Variants in ATP5F1B observed in about 807,000 individuals in gnomAD.
ATP5F1B encodes ATP synthase F(1) complex subunit beta, mitochondrial.
Under a neutral mutation model 45.9 loss-of-function variants are expected in ATP5F1B, and 17 were observed. The ratio of observed to expected loss-of-function variants is 0.37; its 90% confidence interval spans 0.25 to 0.56. ATP5F1B has a LOEUF of 0.56. ATP5F1B is among the 20% of genes least tolerant of loss of function. The pLI, the probability that ATP5F1B is intolerant of heterozygous loss-of-function variation, is 0.80. For synonymous variants in ATP5F1B, 218 were observed against 256.5 expected (o/e 0.85, Z 1.43); for missense variants, 387 against 673.2 (o/e 0.57, Z 4.70).
chr12:56,639,497 G>C (rs966943262), intron 8 of ATP5F1B, 190 bp from the exon 9 acceptor site: 31 of 609,364 alleles, frequency 5.1e-5, no homozygotes, highest in Non-Finnish European at 8.6e-5. Context: ...CATTCCGCCG[G>C]GCGCAGTGGC....
chr12:56,639,549 G>A, intron 8 of ATP5F1B: 1 of 504,694 alleles, frequency 2.0e-6, no homozygotes, highest in Admixed American at 3.2e-5. Context: ...CACGGTGGGT[G>A]GATCATGAGG....
chr12:56,638,877 CAG>C (rs1458527434), intron 9 of ATP5F1B, among the ~76,000 whole-genome samples: 1 of 152,148 alleles, frequency 6.6e-6, no homozygotes, highest in African/African-American at 2.4e-5. Flanking sequence ...GCCTGGGCGA[CAG>C]AGACTCAGTC....
At chr12:56,638,819 C>T (rs1951491189) in intron 9 of ATP5F1B, among the ~76,000 whole-genome samples, 1 of 152,140 alleles carries the variant, frequency 6.6e-6, no homozygotes, top group Non-Finnish European at 1.5e-5. Context: ...TCACTTGAAC[C>T]CGGCAGGTGG....
chr12:56,641,794 G>A (rs1382471552), intron 7 of ATP5F1B, among the ~76,000 whole-genome samples: 2 of 151,750 alleles, frequency 1.3e-5, no homozygotes, highest in South Asian at 2.1e-4. Flanking sequence ...CTCATGATCC[G>A]CCTGCCTTGG....
At chr12:56,643,307 A>T (rs1209925349) in intron 5 of ATP5F1B, 96 bp downstream of exon 5, 64 of 1,143,192 alleles carry the variant, frequency 5.6e-5, no homozygotes, top group Non-Finnish European at 5.9e-5. Context: ...TCTTAAAAAG[A>T]AAAAAAAATT....
At position 56,640,013 on chromosome 12, in the gene ATP5F1B, G is replaced by T; in HGVS notation, c.1254C>A (p.Tyr418Ter). 6.2e-7 allele frequency: 1 copy of T among 1,613,860 alleles called. No individual in the cohort carries two copies. The highest frequency in any genetic ancestry group is 8.5e-7 in the Non-Finnish European group (1 of 1,179,962). Residue 418 changes from tyrosine to a stop codon, truncating the protein, a stop_gained, in exon 8 of 10, where the codon TAC becomes TAA. Coordinates refer to ENST00000262030, the MANE Select transcript of ATP5F1B (RefSeq NM_001686.4). LOFTEE classifies it high-confidence loss of function. ...TCTTTTGCACCCCACGGGCAACATC[G>T]TAATGCTCACTGCCAACAATGTTGG... Reference protein sequence around the residue: ...MDPNIVGSEHYDVARGVQKIL... With the variant: ...MDPNIVGSEH
At chr12:56,640,231 A>ATT (rs201281818) in intron 7 of ATP5F1B, 39 bp from the exon 8 acceptor site, 63,898 of 1,350,644 alleles carry the variant, frequency 0.047, 931 homozygotes, top group African/African-American at 0.2. Context: ...ACCAAAGTAA[A>ATT]TTTTTTTTTT....
chr12:56,642,935 G>A (rs200074324), intron 5 of ATP5F1B, 104 bp from the exon 6 acceptor site: 129 of 1,317,160 alleles, frequency 9.8e-5, no homozygotes, highest in Non-Finnish European at 1.3e-4. Context: ...TTCTCAGAAG[G>A]TGTCAGCGTT....
At chr12:56,643,331 A>G (rs1337019351) in intron 5 of ATP5F1B, 72 bp downstream of exon 5, 3 of 1,335,156 alleles carry the variant, frequency 2.2e-6, no homozygotes, top group Non-Finnish European at 3.1e-6. Context: ...TAGAAAATAT[A>G]GAACATGGCT....
chr12:56,642,996 G>A (rs1951523741), intron 5 of ATP5F1B, 165 bp from the exon 6 acceptor site: 4 of 710,778 alleles, frequency 5.6e-6, no homozygotes, highest in Non-Finnish European at 8.9e-6. Context: ...AAAAAAAAAA[G>A]ACAGCTTCTT....
rs923436881 is a variant in ATP5F1B, at chr12:56,640,144, T to C, written c.1123A>G (p.Thr375Ala). ...DDLTDPAPAT[T>A]FAHLDATTVL... is the part of the protein sequence containing the mutation. ...GTGGTAGCATCCAAATGGGCAAACG[T>C]AGTAGCAGGGGCAGGGTCAGTCAAG... The change falls in exon 8 of 10, where the codon ACG becomes GCG. Residue 375 changes from threonine (T) to alanine (A), a missense_variant. Physicochemically the swap from Thr to Ala is moderately conservative, Grantham distance 58. Transcript: ENST00000262030. 1.9e-5 allele frequency: 30 copies of C among 1,613,590 alleles called. No individual in the cohort carries two copies. The highest frequency in any genetic ancestry group is 2.5e-5 in the Non-Finnish European group (29 of 1,179,946).
Position 56,643,942 on chromosome 12 carries a change from C to T in ATP5F1B, c.502G>A (p.Ala168Thr). 2 of 1,614,076 alleles carry T rather than the reference C, an allele frequency of 1.2e-6. No individual in the cohort carries two copies. Among genetic ancestry groups the T allele is most frequent in the South Asian group, 2.2e-5 (2 of 91,056 alleles). Residue 168 changes from alanine (A) to threonine (T), a missense_variant, in exon 4 of 10, where the codon GCT (alanine) becomes ACT (threonine). Physicochemically the swap from Ala to Thr is moderately conservative, Grantham distance 58. This residue lies in a region of ATP5F1B where 113 missense variants were observed against 168.0 expected (regional missense o/e 0.67). Coordinates refer to ENST00000262030, the MANE Select transcript of ATP5F1B (RefSeq NM_001686.4). ...ATTTCCATGAACTCTGGAGCCTCAG[C>T]ATGAATGGGAGCAAATCTGTAAAGG... ...IKTKQFAPIH[A>T]EAPEFMEMSV... is the part of the protein sequence containing the mutation.
Position 56,642,511 on chromosome 12 carries a change from T to C in ATP5F1B, c.1021A>G (p.Thr341Ala), listed in dbSNP as rs1592644773. The C allele has an allele frequency of 1.2e-6, 2 of 1,614,026 alleles. No homozygotes were observed. Among genetic ancestry groups the C allele is most frequent in the Non-Finnish European group, 1.7e-6 (2 of 1,180,042 alleles). The change falls in exon 7 of 10, where the codon ACT becomes GCT. Residue 341 changes from threonine to alanine, a missense_variant. By Grantham distance (58) the Thr-to-Ala change is moderately conservative. This residue lies in a region of ATP5F1B where 154 missense variants were observed against 361.4 expected (regional missense o/e 0.43). Transcript: ENST00000262030. ...GTAGTGGTAATTCTTTCCTGCATAGTACCCATGTCAGTGGCCAGGGTAGGC... is the reference window on the plus strand; with the variant it reads ...GTAGTGGTAATTCTTTCCTGCATAGCACCCATGTCAGTGGCCAGGGTAGGC... ...YQPTLATDMG[T>A]MQERITTTKK...
rs940888401 is a variant in ATP5F1B at position 56,645,292 on chromosome 12, G to A, written c.189C>T (p.Ile63=). The A allele has an allele frequency of 1.2e-6, 2 of 1,614,202 alleles. No individual in the cohort carries two copies. The highest frequency in any genetic ancestry group is 1.7e-5 in the Admixed American group (1 of 60,022). The change falls in exon 2 of 10, where the codon ATC becomes ATT. Residue 63 remains isoleucine (I), a synonymous_variant. Coordinates refer to ENST00000262030, the MANE Select transcript of ATP5F1B (RefSeq NM_001686.4). Reference sequence around the variant, plus strand: ...CCACCACTGCGCCAATGACCGCCACGATGCGCCCGGTGGCGGCGCCTGCTT... The same window carrying A: ...CCACCACTGCGCCAATGACCGCCACAATGCGCCCGGTGGCGGCGCCTGCTT... The part of the protein sequence containing the change: ...SPKAGAATGR[I]VAVIGAVVDV...
intron 7 of ATP5F1B, among the ~76,000 whole-genome samples, chr12:56,640,870 TAAAAAAAAA>T (rs59336396): frequency 2.0e-5 from 2 of 99,532 alleles, no homozygotes; most frequent in African/African-American, 7.5e-5. Flanking sequence ...GGGTCTCTAC[TAAAAAAAAA>T]AAAAAAAACG....
At chr12:56,645,097 G>A in intron 2 of ATP5F1B, 74 bp downstream of exon 2, 1 of 1,606,594 alleles carries the variant, frequency 6.2e-7, no homozygotes. Context: ...AATCATCATA[G>A]AAGGCAGACA....
intron 1 of ATP5F1B, 82 bp from the exon 2 acceptor site, chr12:56,645,435 A>C: frequency 6.9e-7 from 1 of 1,441,624 alleles, no homozygotes; most frequent in South Asian, 1.3e-5. Context: ...ACACAAGGAG[A>C]GGAAAACTCA....
chr12:56,643,670 C>T, intron 4 of ATP5F1B, 83 bp from the exon 5 acceptor site: 1 of 1,586,896 alleles, frequency 6.3e-7, no homozygotes, highest in Non-Finnish European at 8.6e-7. Flanking sequence ...TTGCTTCCTT[C>T]CATCCTATTC....
At chr12:56,639,915 A>T in intron 8 of ATP5F1B, 65 bp downstream of exon 8, 1 of 1,537,356 alleles carries the variant, frequency 6.5e-7, no homozygotes, top group South Asian at 1.1e-5. Flanking sequence ...TCCAGTCCTC[A>T]TATAGTCCCC....
Sources: allele counts gnomAD v4.1 joint callset (sites outside exome capture counted in the v4.1 genomes callset), GRCh38; gene constraint gnomAD v4.1.1; regional missense constraint gnomAD v4.1.1; transcripts MANE v1.5; gene names NCBI Gene and HGNC (gene_info 2026-07-23, HGNC 2026-07-21).